Variants in MACF1 observed in about 807,000 individuals in gnomAD.
MACF1 encodes microtubule-actin cross-linking factor 1.
In MACF1, 193 loss-of-function variants were observed where a neutral mutation model predicts 854.8. The observed-to-expected ratio is 0.23, with a 90% CI of 0.20 to 0.25. MACF1 has a LOEUF of 0.25. MACF1 is among the 10% of genes least tolerant of loss of function. The pLI is 1.00. For missense variants in MACF1, 7,722 were observed against 8,929.1 expected, an observed-to-expected ratio of 0.86 and a Z score of 5.45; for synonymous variants, 3,185 against 3,226.7, an observed-to-expected ratio of 0.99 and a Z score of 0.44.
chr1:39,268,981 C>T lies in MACF1; in HGVS notation c.528+10953C>T, dbSNP rs776486420. 8 of 1,287,154 alleles carry T rather than the reference C, an allele frequency of 6.2e-6. No homozygotes were observed. In the South Asian group the frequency reaches 9.9e-5, roughly 16 times the overall value. The allele number at this position is 1,287,154 out of a possible 1,614,324, so 79.7% of individuals were successfully genotyped here. On this transcript the variant is annotated intron_variant, in intron 6 of 100. Coordinates refer to ENST00000564288, the MANE Select transcript of MACF1 (RefSeq NM_001394062.1). ...ATTTTGCTGCCTGGGGACTCAGCCC[C>T]CAACTCACGGGTAGTCGATCGGGGG...
At position 39,460,527 on chromosome 1, in the gene MACF1, C is replaced by T. The variant is rs1644533979; in HGVS notation, c.21361-105C>T. On this transcript the variant is annotated intron_variant, in intron 91 of 100. Coordinates refer to ENST00000564288, the MANE Select transcript of MACF1 (RefSeq NM_001394062.1). The surrounding 1 kb of genome is among the most constrained non-coding windows in gnomAD (Gnocchi z 4.1). ...CACATAGATTTCATTGTTGATGGCC[C>T]CTGGAAGCATGGCTTTACTGAATGT... is the stretch of plus-strand genomic sequence containing the variant. 1.1e-6 allele frequency: 1 copy of T among 945,706 alleles called. No individual in the cohort carries two copies. The highest frequency in any genetic ancestry group is 1.9e-5 in the Admixed American group (1 of 51,448). The allele number at this position is 945,706 out of a possible 1,614,324, so 58.6% of individuals were successfully genotyped here. A position where few individuals can be genotyped will look rare whatever the true frequency, so the allele number is the denominator to read the frequency against.
intron 79 of MACF1, among the ~76,000 whole-genome samples, chr1:39,444,056 C>A (rs71642682): frequency 6.6e-6 from 1 of 152,144 alleles, no homozygotes; most frequent in South Asian, 2.1e-4. Flanking sequence ...TTTTTCTTGG[C>A]CGAGCGCAGT....
chr1:39,280,411 C>G (rs903336639), intron 6 of MACF1, among the ~76,000 whole-genome samples: 2 of 152,068 alleles, frequency 1.3e-5, no homozygotes, highest in African/African-American at 4.8e-5. Context: ...CTGCTTGACA[C>G]GTCCAGTGGC....
At chr1:39,402,300 G>C (rs1486854012) in intron 58 of MACF1, among the ~76,000 whole-genome samples, 1 of 152,174 alleles carries the variant, frequency 6.6e-6, no homozygotes, top group African/African-American at 2.4e-5. Context: ...GAACTGGAAA[G>C]ACTACTCTCA....
At chr1:39,329,152 A>G (rs1249369063) in intron 36 of MACF1, among the ~76,000 whole-genome samples, 1 of 152,238 alleles carries the variant, frequency 6.6e-6, no homozygotes. Flanking sequence ...AATTATATGA[A>G]TTGGACTTTC....
chr1:39,382,801 A>T (rs1386625870), intron 56 of MACF1, among the ~76,000 whole-genome samples: 3 of 152,002 alleles, frequency 2.0e-5, no homozygotes, highest in African/African-American at 7.2e-5. Flanking sequence ...AAAAAAATTG[A>T]TTTAAGTGCC....
chr1:39,211,618 C>T (rs1326898752), intron 1 of MACF1, among the ~76,000 whole-genome samples: 1 of 151,996 alleles, frequency 6.6e-6, no homozygotes. Flanking sequence ...CATGGTGGCT[C>T]ACGCCTGTAA....
chr1:39,451,873 T>C (rs1644347603), intron 85 of MACF1, among the ~76,000 whole-genome samples: 1 of 152,108 alleles, frequency 6.6e-6, no homozygotes, highest in African/African-American at 2.4e-5. Context: ...TTTTCTTTCT[T>C]TTTTCTTTTT....
upstream of MACF1, among the ~76,000 whole-genome samples, chr1:39,202,952 G>A (rs1375792831): frequency 2.0e-5 from 3 of 152,012 alleles, no homozygotes; most frequent in Non-Finnish European, 2.9e-5. Context: ...TAGTGGTCCC[G>A]TCAAGGCCCC....
chr1:39,412,302 A>G, intron 58 of MACF1: 1 of 1,614,034 alleles, frequency 6.2e-7, no homozygotes, highest in Non-Finnish European at 8.5e-7. Context: ...ATTTACTAAC[A>G]GATGAAATTC....
rs1028622572 is a variant in MACF1, at chr1:39,409,404, G to C, written c.15817-12970G>C. ...CGGGACCTGAGGCTGGCGCGGCCGG[G>C]AGCCACCTGCAGCCTGCGGTGAGGC... On this transcript the variant is annotated intron_variant, in intron 58 of 100. Transcript: ENST00000564288. This position sits in a 1 kb window ranked among gnomAD's most constrained non-coding sequence, Gnocchi z 4.2. The C allele has an allele frequency of 1.3e-5, 2 of 152,662 alleles. No individual in the cohort carries two copies. Among genetic ancestry groups the C allele is most frequent in the African/African-American group, 4.8e-5 (2 of 41,428 alleles). The allele number at this position is 152,662 out of a possible 1,614,324, so 9.5% of individuals were successfully genotyped here.
chr1:39,360,015 ATAT>A (rs1647998277), intron 47 of MACF1, among the ~76,000 whole-genome samples: 25 of 31,970 alleles, frequency 7.8e-4, no homozygotes, highest in East Asian at 1.1e-3. Flanking sequence ...AAAAAAAAAT[ATAT>A]ATATATATAT....
rs997411272 is a variant in MACF1 at position 39,166,376 on chromosome 1, ATATT to A, written c.221-64791_221-64788del. On this transcript the variant is annotated intron_variant, in intron 2 of 93. Transcript: ENST00000361689. ...AGCCACCATGCCCTACTGGCACTAG[ATATT>A]TATTTATTTATTTAACCATGCCCTG... is the stretch of plus-strand genomic sequence containing the variant. Among the ~76,000 whole-genome samples the A allele has an allele frequency of 2.1e-4, 32 of 150,602 alleles. 1 individual carries two copies. The South Asian group carries it at 3.2e-3, about 15-fold the overall frequency.
intron 85 of MACF1, among the ~76,000 whole-genome samples, 171 bp downstream of exon 85, chr1:39,451,382 C>T (rs1331345724): frequency 6.6e-6 from 1 of 152,178 alleles, no homozygotes; most frequent in Non-Finnish European, 1.5e-5. Flanking sequence ...TTAGTCACAA[C>T]GAATTTACCA....
Position 39,284,094 on chromosome 1 carries a change from A to G in MACF1, c.944A>G (p.Gln315Arg). ...TEVDSRWQEY[Q>R]SRVDSLIPWI... ...GTGGACTCCAGGTGGCAAGAATACCAAAGCCGAGTGGACTCCCTCATTCCC... is the reference window on the plus strand; with the variant it reads ...GTGGACTCCAGGTGGCAAGAATACCGAAGCCGAGTGGACTCCCTCATTCCC... Residue 315 changes from glutamine (Q) to arginine (R), a missense_variant, in exon 10 of 101, where the codon CAA (glutamine) becomes CGA (arginine). Gln to Arg is a conservative substitution (Grantham distance 43, BLOSUM62 1). Coordinates refer to ENST00000564288, the MANE Select transcript of MACF1 (RefSeq NM_001394062.1). The G allele has an allele frequency of 6.2e-7, 1 of 1,614,088 alleles. No homozygotes were observed. The highest frequency in any genetic ancestry group is 1.3e-5 in the African/African-American group (1 of 75,042).
chr1:39,337,719 G>A (rs1009821649), intron 38 of MACF1, among the ~76,000 whole-genome samples: 5 of 150,758 alleles, frequency 3.3e-5, no homozygotes, highest in Admixed American at 1.3e-4. Context: ...GGCACCTGCC[G>A]CCACGCCTGG....
chr1:39,144,964 C>T (rs1006973300), intron 2 of MACF1, among the ~76,000 whole-genome samples: 7 of 152,172 alleles, frequency 4.6e-5, no homozygotes, highest in Non-Finnish European at 5.9e-5. Context: ...CTGTCAGCCC[C>T]TTTATGGTGT....
chr1:39,309,198 C>T (rs1364878744), intron 23 of MACF1, among the ~76,000 whole-genome samples: 2 of 151,628 alleles, frequency 1.3e-5, no homozygotes, highest in Non-Finnish European at 2.9e-5. Flanking sequence ...TATGTGCTAA[C>T]GTTAATATGC....
intron 2 of MACF1, among the ~76,000 whole-genome samples, chr1:39,196,559 C>T (rs1221006117): frequency 6.6e-6 from 1 of 152,176 alleles, no homozygotes; most frequent in Non-Finnish European, 1.5e-5. Flanking sequence ...GTTTTCAGTC[C>T]TATCGGTTAT....
Sources: allele counts gnomAD v4.1 joint callset (sites outside exome capture counted in the v4.1 genomes callset), GRCh38; gene constraint gnomAD v4.1.1; non-coding constraint Gnocchi (gnomAD v3.1); transcripts MANE v1.5; gene names NCBI Gene and HGNC (gene_info 2026-07-23, HGNC 2026-07-21).